The following RPS6KC1 variants were observed in gnomAD, a reference collection of about 807,000 sequenced individuals.
RPS6KC1 encodes the protein ribosomal protein S6 kinase C1.
In RPS6KC1, 54 loss-of-function variants were observed where a neutral mutation model predicts 103.8. The ratio of observed to expected loss-of-function variants is 0.52; its 90% CI spans 0.42 to 0.65. The LOEUF (loss-of-function observed/expected upper bound fraction) is 0.65. RPS6KC1 is among the 30% of genes least tolerant of loss of function. RPS6KC1 has a pLI of 0.00. For synonymous variants in RPS6KC1, 439 were observed against 438.7 expected, an observed-to-expected ratio of 1.00 and a Z score of -0.01; for missense variants, 1,151 against 1,253.8, an observed-to-expected ratio of 0.92 and a Z score of 1.24.
chr1:213,673,999 C>A, the RPS6KC1 span, among the ~76,000 whole-genome samples: 1 of 152,078 alleles, frequency 6.6e-6, no homozygotes, highest in Admixed American at 6.6e-5. Flanking sequence ...CCTACCCCTT[C>A]TGGCAGCCCC....
chr1:213,788,179 G>A, the RPS6KC1 span, among the ~76,000 whole-genome samples: 287 of 152,272 alleles, frequency 1.9e-3, 2 homozygotes, highest in African/African-American at 6.6e-3. Flanking sequence ...CTTGGCCCAG[G>A]ATGCTGAAAT....
the RPS6KC1 span, among the ~76,000 whole-genome samples, chr1:213,683,507 C>A: frequency 1.5e-4 from 23 of 152,256 alleles, no homozygotes; most frequent in East Asian, 1.9e-3. Flanking sequence ...ATTCCTCCCC[C>A]CAGCCTGCCC....
chr1:213,726,289 G>T, the RPS6KC1 span, among the ~76,000 whole-genome samples: 221 of 152,238 alleles, frequency 1.5e-3, 1 homozygote, highest in Middle Eastern at 6.8e-3. Context: ...TGCCCAGGTT[G>T]GTCTTGAATT....
chr1:213,230,484 G>A lies in RPS6KC1; in HGVS notation c.1045-13G>A. The A allele has an allele frequency of 6.4e-7, 1 of 1,568,528 alleles. No individual in the cohort carries two copies. The highest frequency in any genetic ancestry group is 8.7e-7 in the Non-Finnish European group (1 of 1,144,802). On this transcript the variant is annotated splice_polypyrimidine_tract_variant and intron_variant, in intron 8 of 14. Coordinates refer to ENST00000366960, the MANE Select transcript of RPS6KC1 (RefSeq NM_012424.6). ...GTATTGTTAATAAATTATTACTCGT[G>A]TCTTTTATGTAGGTTTTACTTGTAA...
At chr1:213,522,411 T>C in the RPS6KC1 span, among the ~76,000 whole-genome samples, 4 of 152,210 alleles carry the variant, frequency 2.6e-5, no homozygotes, top group East Asian at 7.7e-4. Flanking sequence ...GCCTAGGATT[T>C]TTAGAATGGT....
At chr1:213,064,245 C>T (rs758883450) in intron 1 of RPS6KC1, among the ~76,000 whole-genome samples, 25 of 151,934 alleles carry the variant, frequency 1.6e-4, no homozygotes, top group Non-Finnish European at 3.4e-4. Context: ...TTGGTAGAGG[C>T]GGGGTTTCAC....
the RPS6KC1 span, among the ~76,000 whole-genome samples, chr1:213,346,980 A>G: frequency 6.6e-6 from 1 of 152,214 alleles, no homozygotes; most frequent in South Asian, 2.1e-4. Context: ...CATAATTAAC[A>G]ATAAATACCA....
chr1:213,408,138 TTG>T, the RPS6KC1 span, among the ~76,000 whole-genome samples: 1 of 152,196 alleles, frequency 6.6e-6, no homozygotes, highest in Non-Finnish European at 1.5e-5. Flanking sequence ...TCTCTTAAAC[TTG>T]GGGGTCTTTC....
At chr1:213,735,274 T>A in the RPS6KC1 span, among the ~76,000 whole-genome samples, 19 of 152,148 alleles carry the variant, frequency 1.2e-4, no homozygotes, top group Non-Finnish European at 2.8e-4. Context: ...AAGCTCAGAG[T>A]GTCCAGGATA....
intron 8 of RPS6KC1, among the ~76,000 whole-genome samples, chr1:213,201,209 T>C (rs1031894536): frequency 1.3e-5 from 2 of 152,206 alleles, no homozygotes; most frequent in African/African-American, 4.8e-5. Context: ...AACAACCAAG[T>C]TGTTCTTCAC....
At chr1:213,249,138 T>G (rs1388309847) in intron 12 of RPS6KC1, among the ~76,000 whole-genome samples, 1 of 152,218 alleles carries the variant, frequency 6.6e-6, no homozygotes, top group Non-Finnish European at 1.5e-5. Context: ...CTTTTTATTT[T>G]TCGTATCTCA....
chr1:213,783,478 C>A, the RPS6KC1 span, among the ~76,000 whole-genome samples: 1 of 151,060 alleles, frequency 6.6e-6, no homozygotes, highest in Non-Finnish European at 1.5e-5. Flanking sequence ...TTTGTTGCCT[C>A]CCCCCCTCAG....
At chr1:213,607,263 A>G in the RPS6KC1 span, among the ~76,000 whole-genome samples, 2 of 152,240 alleles carry the variant, frequency 1.3e-5, no homozygotes, top group Non-Finnish European at 2.9e-5. Context: ...GTGTGGCAAT[A>G]TTATTACAAA....
chr1:213,840,438 A>G, the RPS6KC1 span: 1 of 152,164 alleles, frequency 6.6e-6, no homozygotes, highest in East Asian at 1.9e-4. Context: ...TGCATATATG[A>G]AGTTTCTTTC....
the RPS6KC1 span, among the ~76,000 whole-genome samples, chr1:213,579,630 C>T: frequency 2.0e-5 from 3 of 152,144 alleles, no homozygotes; most frequent in East Asian, 1.9e-4. Flanking sequence ...GTCAATGCCT[C>T]GCCTCCAAAT....
the RPS6KC1 span, among the ~76,000 whole-genome samples, chr1:213,566,906 A>G: frequency 1.3e-5 from 2 of 152,008 alleles, no homozygotes; most frequent in Admixed American, 6.5e-5. Context: ...AAATTCTGCT[A>G]TTTGCTGTGT....
chr1:213,697,915 C>T, the RPS6KC1 span, among the ~76,000 whole-genome samples: 5,549 of 148,602 alleles, frequency 0.037, 364 homozygotes, highest in African/African-American at 0.14. Flanking sequence ...TAATGATGAT[C>T]TTAGCTTGCC....
chr1:213,522,042 T>C, the RPS6KC1 span, among the ~76,000 whole-genome samples: 1 of 152,246 alleles, frequency 6.6e-6, no homozygotes, highest in Non-Finnish European at 1.5e-5. Flanking sequence ...TTTCCCCAGA[T>C]TCATCAGAGG....
At chr1:213,250,044 T>G (rs189742349) in intron 12 of RPS6KC1, among the ~76,000 whole-genome samples, 179 of 152,198 alleles carry the variant, frequency 1.2e-3, no homozygotes, top group African/African-American at 3.2e-3. Flanking sequence ...ACTAGCTGAG[T>G]GTGGTCTGCA....
Sources: gnomAD v4.1 joint callset for allele counts (sites outside exome capture counted in the v4.1 genomes callset) on GRCh38, gnomAD v4.1.1 for gene constraint, MANE v1.5 for transcripts, NCBI Gene and HGNC (gene_info 2026-07-23, HGNC 2026-07-21) for gene names.